The following ZNF804B variants were observed in gnomAD, a reference collection of about 807,000 sequenced individuals.
The protein encoded by ZNF804B is zinc finger protein 804B, also known as zinc finger 804B.
ZNF804B carries 80 observed loss-of-function variants against 101.4 expected under a neutral mutation model. That is an observed-to-expected ratio of 0.79 (90% CI 0.66 to 0.95). ZNF804B has a LOEUF of 0.95. Ranked by LOEUF, ZNF804B falls within the 40% of genes least tolerant of loss-of-function variation. The pLI, the probability that ZNF804B is intolerant of heterozygous loss-of-function variation, is 0.00. For missense variants in ZNF804B, 1,673 were observed against 1,561.9 expected (o/e 1.07, Z -1.20); for synonymous variants, 622 against 558.8 (o/e 1.11, Z -1.59).
chr7:88,932,413 A>G (rs1002260197), intron 1 of ZNF804B, among the ~76,000 whole-genome samples: 7 of 151,970 alleles, frequency 4.6e-5, no homozygotes, highest in Non-Finnish European at 8.8e-5. Flanking sequence ...GCAAAAATAA[A>G]TGAAATTGAA....
intron 2 of ZNF804B, among the ~76,000 whole-genome samples, chr7:89,229,135 G>T (rs888942326): frequency 6.6e-6 from 1 of 152,206 alleles, no homozygotes; most frequent in Non-Finnish European, 1.5e-5. Flanking sequence ...CAAGCTGAGG[G>T]ACCCAGCTCC....
At chr7:89,141,935 T>G (rs1790724407) in intron 1 of ZNF804B, among the ~76,000 whole-genome samples, 1 of 151,422 alleles carries the variant, frequency 6.6e-6, no homozygotes, top group Non-Finnish European at 1.5e-5. Context: ...CAACATAAAC[T>G]TCATCAAGTT....
intron 1 of ZNF804B, among the ~76,000 whole-genome samples, chr7:88,979,710 C>T (rs1194794559): frequency 2.7e-5 from 4 of 149,534 alleles, no homozygotes; most frequent in Non-Finnish European, 4.4e-5. Flanking sequence ...GTATCTGCTT[C>T]GTGTTCTATA....
intron 1 of ZNF804B, among the ~76,000 whole-genome samples, chr7:88,873,056 C>T (rs956456896): frequency 6.6e-6 from 1 of 151,860 alleles, no homozygotes; most frequent in South Asian, 2.1e-4. Context: ...CTGACTTCCA[C>T]AATGGTTGAA....
At chr7:89,156,123 T>C (rs1790971191) in intron 1 of ZNF804B, among the ~76,000 whole-genome samples, 1 of 150,816 alleles carries the variant, frequency 6.6e-6, no homozygotes, top group African/African-American at 2.4e-5. Flanking sequence ...CTTTCCTTCT[T>C]TCCTTCTTTC....
chr7:88,874,353 G>T (rs1201523190), intron 1 of ZNF804B, among the ~76,000 whole-genome samples: 1 of 151,506 alleles, frequency 6.6e-6, no homozygotes, highest in Non-Finnish European at 1.5e-5. Context: ...TTGCTTATCA[G>T]CTTAAGGAGA....
rs189954602 is a variant in ZNF804B, at chr7:89,123,468, A to G, written c.109-94687A>G. ...ATACCTTGAAATTGTCCATGGCTCT[A>G]TTCATTTAATGTAAGAAGTATAATG... On this transcript the variant is annotated intron_variant, in intron 1 of 3. Coordinates refer to ENST00000333190, the MANE Select transcript of ZNF804B (RefSeq NM_181646.5). Among the ~76,000 whole-genome samples the G allele has an allele frequency of 1.3e-4, 20 of 152,260 alleles. No individual in the cohort carries two copies. The East Asian group carries it at 3.5e-3, about 26-fold the overall frequency.
intron 1 of ZNF804B, among the ~76,000 whole-genome samples, chr7:88,834,897 GA>G (rs1791187306): frequency 6.6e-6 from 1 of 151,734 alleles, no homozygotes; most frequent in Non-Finnish European, 1.5e-5. Context: ...AAAATGTCCA[GA>G]ACAACATATG....
intron 1 of ZNF804B, among the ~76,000 whole-genome samples, chr7:88,928,893 T>C (rs1296116749): frequency 6.6e-6 from 1 of 152,104 alleles, no homozygotes; most frequent in Non-Finnish European, 1.5e-5. Flanking sequence ...CAAAATCTTC[T>C]AGCTAATTCT....
At chr7:88,877,418 T>G (rs1473155992) in intron 1 of ZNF804B, among the ~76,000 whole-genome samples, 1 of 152,094 alleles carries the variant, frequency 6.6e-6, no homozygotes, top group Non-Finnish European at 1.5e-5. Flanking sequence ...TTGATTTATA[T>G]TAAAAGAGAT....
intron 1 of ZNF804B, among the ~76,000 whole-genome samples, chr7:89,099,216 C>T (rs1790015854): frequency 6.6e-6 from 1 of 151,872 alleles, no homozygotes; most frequent in South Asian, 2.1e-4. Flanking sequence ...GGTGAGATTA[C>T]AGAGCTAAAA....
chr7:89,299,018 TAC>T (rs1790436295), intron 2 of ZNF804B, among the ~76,000 whole-genome samples: 1 of 152,024 alleles, frequency 6.6e-6, no homozygotes, highest in Non-Finnish European at 1.5e-5. Context: ...TTTTCTCAGA[TAC>T]CACACCTACT....
At chr7:89,327,960 TTATAA>T (rs1471512703) in intron 3 of ZNF804B, among the ~76,000 whole-genome samples, 2 of 151,944 alleles carry the variant, frequency 1.3e-5, no homozygotes, top group African/African-American at 4.8e-5. Flanking sequence ...AAATTGATAA[TTATAA>T]TATAACAAGT....
intron 2 of ZNF804B, among the ~76,000 whole-genome samples, chr7:89,258,558 C>G: frequency 6.6e-6 from 1 of 152,046 alleles, no homozygotes; most frequent in East Asian, 1.9e-4. Context: ...AAGATGGTAG[C>G]AATAGATATA....
chr7:89,222,826 A>C (rs1182824622), intron 2 of ZNF804B, among the ~76,000 whole-genome samples: 1 of 151,922 alleles, frequency 6.6e-6, no homozygotes, highest in Non-Finnish European at 1.5e-5. Context: ...ATCTATTAAT[A>C]TTATTGAGAA....
intron 1 of ZNF804B, among the ~76,000 whole-genome samples, chr7:89,170,728 C>A (rs1024830460): frequency 5.9e-5 from 9 of 152,170 alleles, no homozygotes; most frequent in African/African-American, 2.2e-4. Flanking sequence ...GTCACATAAT[C>A]CCCATTATAT....
chr7:88,882,973 CA>C (rs1792066015), intron 1 of ZNF804B, among the ~76,000 whole-genome samples: 2 of 151,924 alleles, frequency 1.3e-5, no homozygotes, highest in South Asian at 4.1e-4. Flanking sequence ...CCCCATGTAA[CA>C]AATCTGCACA....
chr7:89,016,166 C>T (rs1326851972), intron 1 of ZNF804B, among the ~76,000 whole-genome samples: 1 of 152,038 alleles, frequency 6.6e-6, no homozygotes, highest in South Asian at 2.1e-4. Context: ...TGTCCTTTGC[C>T]TACTTTTTGA....
chr7:89,284,998 A>C (rs1476371814), intron 2 of ZNF804B, among the ~76,000 whole-genome samples: 1 of 152,000 alleles, frequency 6.6e-6, no homozygotes, highest in African/African-American at 2.4e-5. Context: ...CAGGAGAGCA[A>C]GGTTAGTCTG....
Sources: gnomAD v4.1 joint callset for allele counts (sites outside exome capture counted in the v4.1 genomes callset) on GRCh38, gnomAD v4.1.1 for gene constraint, MANE v1.5 for transcripts, NCBI Gene and HGNC (gene_info 2026-07-23, HGNC 2026-07-21) for gene names.